TAF12: variants seen among roughly 807,000 people sequenced by gnomAD.
The protein encoded by TAF12 is TATA-box binding protein associated factor 12.
Under a neutral mutation model 20.8 loss-of-function variants are expected in TAF12, and 3 were observed. The observed-to-expected ratio is 0.14, with a 90% CI of 0.07 to 0.37. The LOEUF is 0.37. Ranked by LOEUF, TAF12 falls within the 10% of genes least tolerant of loss-of-function variation. The pLI is 1.00. For missense variants in TAF12, 131 were observed against 197.9 expected (o/e 0.66, Z 2.03); for synonymous variants, 69 against 70.2 (o/e 0.98, Z 0.09).
chr1:28,622,178 A>T lies in TAF12; in HGVS notation c.-84-13T>A. ...CAAGGCCAATTAACTGGAGAAGAAA[A>T]GCACAAGAATTAGCTCTAGAAGAAC... is the stretch of plus-strand genomic sequence containing the variant. On this transcript the variant is annotated splice_polypyrimidine_tract_variant and intron_variant, in intron 1 of 5. Transcript: ENST00000373824. The T allele has an allele frequency of 3.3e-6, 5 of 1,500,484 alleles. No homozygotes were observed. The highest frequency in any genetic ancestry group is 4.4e-6 in the Non-Finnish European group (5 of 1,130,600). 92.9% of individuals were successfully genotyped at this position (1,500,484 alleles called of 1,614,324 possible).
At chr1:28,634,453 C>T (rs190521697) in intron 1 of TAF12, among the ~76,000 whole-genome samples, 43 of 148,706 alleles carry the variant, frequency 2.9e-4, no homozygotes, top group African/African-American at 1.1e-3. Flanking sequence ...AAAAAACAGG[C>T]ATTAACTGTG....
At position 28,626,911 on chromosome 1, in the gene TAF12, C is replaced by CA. The variant is rs1013949753; in HGVS notation, c.-84-4747dup. Among the ~76,000 whole-genome samples, 6 of 149,290 alleles carry CA rather than the reference C, an allele frequency of 4.0e-5. No homozygotes were observed. The East Asian group carries it at 7.8e-4, about 19-fold the overall frequency. On this transcript the variant is annotated intron_variant, in intron 1 of 5. Coordinates refer to ENST00000373824, the MANE Select transcript of TAF12 (RefSeq NM_005644.4). Reference sequence around the variant, plus strand: ...GGGCGACAAGGGCGAAACTCCATCTCAAAAAAAAAATTTTTTTTTTAAAGA... The same window carrying CA: ...GGGCGACAAGGGCGAAACTCCATCTCAAAAAAAAAAATTTTTTTTTTAAAGA...
At chr1:28,645,113 G>C (rs1282917170), upstream of TAF12, among the ~76,000 whole-genome samples, 1 of 151,258 alleles carries the variant, frequency 6.6e-6, no homozygotes, top group Non-Finnish European at 1.5e-5. Flanking sequence ...TCGGCTCACT[G>C]CAAGTTCCGC....
intron 1 of TAF12, among the ~76,000 whole-genome samples, chr1:28,626,581 CAAAAA>C (rs549427311): frequency 1.7e-5 from 1 of 60,288 alleles, no homozygotes; most frequent in African/African-American, 6.1e-5. Context: ...AACTCTGTCT[CAAAAA>C]AAAAAAAAAA....
chr1:28,616,581 A>G (rs1667050823), intron 3 of TAF12, among the ~76,000 whole-genome samples: 1 of 150,946 alleles, frequency 6.6e-6, no homozygotes. Flanking sequence ...AAAAAATACA[A>G]AAATTAGCCA....
At chr1:28,620,714 T>G (rs934732054) in intron 2 of TAF12, among the ~76,000 whole-genome samples, 2 of 152,204 alleles carry the variant, frequency 1.3e-5, no homozygotes, top group African/African-American at 4.8e-5. Context: ...ATTACAGGCT[T>G]GAGCCACCAT....
At chr1:28,612,516 TATA>T (rs1557459384) in intron 4 of TAF12, among the ~76,000 whole-genome samples, 1 of 146,144 alleles carries the variant, frequency 6.8e-6, no homozygotes, top group Non-Finnish European at 1.5e-5. Flanking sequence ...AAAAATTATA[TATA>T]AATATATATA....
intron 1 of TAF12, among the ~76,000 whole-genome samples, chr1:28,635,374 T>G (rs1046753223): frequency 4.2e-5 from 6 of 141,968 alleles, no homozygotes; most frequent in Non-Finnish European, 9.2e-5. Flanking sequence ...GGCGCAATCT[T>G]GGCTCACTGC....
chr1:28,618,170 T>A, intron 2 of TAF12, 140 bp from the exon 3 acceptor site: 1 of 699,484 alleles, frequency 1.4e-6, no homozygotes, highest in East Asian at 2.7e-5. Flanking sequence ...CCTACCTGAC[T>A]ATGCTGCTGT....
intron 1 of TAF12, among the ~76,000 whole-genome samples, chr1:28,638,885 G>C (rs142623297): frequency 7.0e-6 from 1 of 143,222 alleles, no homozygotes; most frequent in Non-Finnish European, 1.5e-5. Context: ...TCCACCTCCC[G>C]GGTTCACGCC....
At chr1:28,644,383 AG>A (rs1668132594), upstream of TAF12, among the ~76,000 whole-genome samples, 1 of 152,176 alleles carries the variant, frequency 6.6e-6, no homozygotes, top group Non-Finnish European at 1.5e-5. Flanking sequence ...CTGTATTCCT[AG>A]CCTTATTTCC....
chr1:28,641,422 G>A (rs973757359), intron 1 of TAF12, among the ~76,000 whole-genome samples: 1 of 152,116 alleles, frequency 6.6e-6, no homozygotes, highest in African/African-American at 2.4e-5. Flanking sequence ...AGCAGAGATT[G>A]CAGTGAGCCG....
In TAF12 at chr1:28,628,616, G is replaced by T. The variant is rs578094466; in HGVS notation, c.-84-6451C>A. ...GATTATATTAAAAAAAAAACCCACA[G>T]AATTATACACTTTAAATCAGTGATT... On this transcript the variant is annotated intron_variant, in intron 1 of 5. Coordinates refer to ENST00000373824, the MANE Select transcript of TAF12 (RefSeq NM_005644.4). 4.6e-5 allele frequency among the ~76,000 whole-genome samples: 7 copies of T among 150,770 alleles called. No homozygotes were observed. The South Asian group carries it at 1.5e-3, about 32-fold the overall frequency.
intron 1 of TAF12, among the ~76,000 whole-genome samples, chr1:28,634,364 C>T (rs1667743186): frequency 1.4e-5 from 2 of 140,792 alleles, no homozygotes; most frequent in South Asian, 2.2e-4. Flanking sequence ...TGCAGTAGGC[C>T]GAGATCACAC....
chr1:28,637,869 C>A lies in TAF12; in HGVS notation c.-85+5123G>T, dbSNP rs78645041. On this transcript the variant is annotated intron_variant, in intron 1 of 5. Transcript: ENST00000373824. ...ATCCCAACCAAAAGTAGTATGTCTT[C>A]GCCAGGTGTCATGGTTCATGCCTAC... Among the ~76,000 whole-genome samples, 19 of 152,172 alleles carry A rather than the reference C, an allele frequency of 1.2e-4. No individual in the cohort carries two copies. The East Asian group carries it at 3.7e-3, about 29-fold the overall frequency.
At chr1:28,613,565 G>A (rs1666933668) in intron 3 of TAF12, among the ~76,000 whole-genome samples, 1 of 152,156 alleles carries the variant, frequency 6.6e-6, no homozygotes, top group Admixed American at 6.6e-5. Context: ...ACACCTTTCT[G>A]AGCATATACT....
chr1:28,613,329 C>T lies in TAF12; in HGVS notation c.279G>A (p.Glu93=), dbSNP rs765355602. Residue 93 remains glutamate (E), a synonymous_variant, in exon 4 of 6, where the codon GAG becomes GAA. Coordinates refer to ENST00000373824, the MANE Select transcript of TAF12 (RefSeq NM_005644.4). ...GCTGACAGGCTGCTGTCACCACACT[C>T]TCGATAAAATCATCAGCAATCTGCA... ...MLLQIADDFI[E]SVVTAACQLA... The T allele has an allele frequency of 3.7e-6, 6 of 1,611,694 alleles. No homozygotes were observed. Among genetic ancestry groups the T allele is most frequent in the Non-Finnish European group, 5.1e-6 (6 of 1,179,130 alleles).
intron 4 of TAF12, among the ~76,000 whole-genome samples, chr1:28,605,728 C>T (rs1391789310): frequency 2.6e-5 from 4 of 152,140 alleles, no homozygotes; most frequent in East Asian, 1.9e-4. Context: ...CCAGCACAAG[C>T]GATATTCCCA....
In TAF12 at chr1:28,603,486, CAGCTCAAGT is replaced by C; in HGVS notation, c.*44_*52del. 6.3e-7 allele frequency: 1 copy of C among 1,599,154 alleles called. No individual in the cohort carries two copies. Among genetic ancestry groups the C allele is most frequent in the Non-Finnish European group, 8.6e-7 (1 of 1,168,276 alleles). On this transcript the variant is annotated 3_prime_UTR_variant, in exon 6 of 6. Transcript: ENST00000373824. ...TCCAAGGATGAGATGGCTGAGTTCT[CAGCTCAAGT>C]ATCTCCAAATACATTGCTGTCCATT...
Sources: allele counts gnomAD v4.1 joint callset (sites outside exome capture counted in the v4.1 genomes callset), GRCh38; gene constraint gnomAD v4.1.1; transcripts MANE v1.5; gene names NCBI Gene and HGNC (gene_info 2026-07-23, HGNC 2026-07-21).